The following DENND2B variants were observed in gnomAD, a reference collection of about 807,000 sequenced individuals.
The protein encoded by DENND2B is DENN domain containing 2B, also known as DENN domain-containing protein 2B.
DENND2B carries 32 observed loss-of-function variants against 116.0 expected under a neutral mutation model. The observed-to-expected ratio is 0.28, with a 90% confidence interval of 0.21 to 0.37. The LOEUF is 0.37. Among genes scored for constraint, DENND2B ranks in the 10% least tolerant of loss-of-function variants. The pLI is 1.00. For synonymous variants in DENND2B, 588 were observed against 583.9 expected (o/e 1.01, Z -0.10); for missense variants, 1,276 against 1,477.7 (o/e 0.86, Z 2.24).
chr11:8,907,080 CTT>C (rs1185465875), intron 1 of DENND2B, among the ~76,000 whole-genome samples: 1 of 152,154 alleles, frequency 6.6e-6, no homozygotes, highest in African/African-American at 2.4e-5. Flanking sequence ...GCACCAGTCT[CTT>C]TCCCCATTTC....
chr11:8,836,498 T>C (rs528345563), intron 4 of DENND2B, among the ~76,000 whole-genome samples: 103 of 143,214 alleles, frequency 7.2e-4, no homozygotes, highest in Non-Finnish European at 1.3e-3. Context: ...CTCAGCTCAC[T>C]GCAACCTCCG....
chr11:8,856,445 C>G (rs750840864), intron 3 of DENND2B, among the ~76,000 whole-genome samples: 4 of 152,246 alleles, frequency 2.6e-5, no homozygotes, highest in African/African-American at 4.8e-5. Context: ...CTGGTACAGG[C>G]TGTATCAATC....
chr11:8,849,062 A>AT (rs78636339), intron 3 of DENND2B, among the ~76,000 whole-genome samples: 4 of 150,910 alleles, frequency 2.7e-5, no homozygotes, highest in Non-Finnish European at 4.4e-5. Flanking sequence ...AAATGATGTA[A>AT]TTTTTTTTTT....
chr11:8,877,851 C>T (rs1160582455), intron 2 of DENND2B, among the ~76,000 whole-genome samples: 1 of 152,118 alleles, frequency 6.6e-6, no homozygotes, highest in African/African-American at 2.4e-5. Flanking sequence ...CATCACAAAA[C>T]TATTTTTGAC....
At chr11:8,783,982 T>C (rs1391521403) in intron 1 of DENND2B, 3 of 152,150 alleles carry the variant, frequency 2.0e-5, no homozygotes, top group African/African-American at 7.2e-5. Flanking sequence ...AGTTCTCAAA[T>C]TCCATACAAA....
intron 1 of DENND2B, among the ~76,000 whole-genome samples, chr11:8,776,835 C>T (rs2057790068): frequency 1.3e-5 from 2 of 152,164 alleles, no homozygotes; most frequent in South Asian, 4.1e-4. Flanking sequence ...CCTCACATCC[C>T]TGCCCTAAGC....
intron 2 of DENND2B, among the ~76,000 whole-genome samples, chr11:8,741,383 A>T (rs2050179404): frequency 6.6e-6 from 1 of 152,162 alleles, no homozygotes; most frequent in African/African-American, 2.4e-5. Context: ...CAGAGAGAAT[A>T]CTGACACTGC....
chr11:8,870,490 G>C (rs760999969), intron 2 of DENND2B, among the ~76,000 whole-genome samples: 6 of 147,998 alleles, frequency 4.1e-5, no homozygotes, highest in African/African-American at 1.5e-4. Flanking sequence ...CCGTGTGTCT[G>C]TGTGTGTTGT....
intron 4 of DENND2B, among the ~76,000 whole-genome samples, chr11:8,722,879 C>T (rs1463851486): frequency 6.6e-6 from 1 of 152,188 alleles, no homozygotes; most frequent in Non-Finnish European, 1.5e-5. Context: ...TCTCTTCTTT[C>T]CCTGTTCTCT....
chr11:8,730,207 C>A lies in DENND2B; in HGVS notation c.1083G>T (p.Lys361Asn). 1 of 1,613,332 alleles carries A rather than the reference C, an allele frequency of 6.2e-7. No individual in the cohort carries two copies. Among genetic ancestry groups the A allele is most frequent in the Non-Finnish European group, 8.5e-7 (1 of 1,179,562 alleles). Residue 361 changes from lysine to asparagine, a missense_variant, in exon 3 of 20, where the codon AAG (lysine) becomes AAT (asparagine). By Grantham distance (94) the Lys-to-Asn change is moderately conservative. This residue lies in a region of DENND2B where 856 missense variants were observed against 846.6 expected (regional missense o/e 1.01). Transcript: ENST00000313726. This position sits in a 1 kb window ranked among gnomAD's most constrained non-coding sequence, Gnocchi z 4.1. ...PPEREGSGST[K>N]PGTPGNSPSS... ...TAGGGCTATTTCCAGGGGTCCCGGG[C>A]TTAGTGGAACCACTGCCTTCCCTCT...
At position 8,707,682 on chromosome 11, in the gene DENND2B, G is replaced by A; in HGVS notation, c.2430+95C>T. 2 of 1,223,670 alleles carry A rather than the reference G, an allele frequency of 1.6e-6. No individual in the cohort carries two copies. Among genetic ancestry groups the A allele is most frequent in the Non-Finnish European group, 1.2e-6 (1 of 864,852 alleles). The allele number at this position is 1,223,670 out of a possible 1,614,324, so 75.8% of individuals were successfully genotyped here. ...GCATTCTGTCTCCCGCTCGCTCACA[G>A]TCACAGGTGGTTTTCTCATCTAAGC... is the stretch of plus-strand genomic sequence containing the variant. On this transcript the variant is annotated intron_variant, in intron 12 of 19. Coordinates refer to ENST00000313726, the MANE Select transcript of DENND2B (RefSeq NM_213618.2). This position sits in a 1 kb window ranked among gnomAD's most constrained non-coding sequence, Gnocchi z 4.8.
At chr11:8,896,684 T>C (rs1183876679) in intron 1 of DENND2B, among the ~76,000 whole-genome samples, 1 of 152,224 alleles carries the variant, frequency 6.6e-6, no homozygotes, top group East Asian at 1.9e-4. Context: ...CAGTACAGCA[T>C]TCAATAAATT....
At chr11:8,782,412 G>C (rs2058462007) in intron 1 of DENND2B, among the ~76,000 whole-genome samples, 1 of 152,062 alleles carries the variant, frequency 6.6e-6, no homozygotes, top group African/African-American at 2.4e-5. Context: ...AGTCATATTT[G>C]TCCAATTTTT....
At chr11:8,789,775 CA>C (rs138928549) in intron 1 of DENND2B, among the ~76,000 whole-genome samples, 1 of 151,392 alleles carries the variant, frequency 6.6e-6, no homozygotes, top group African/African-American at 2.4e-5. Flanking sequence ...CCCATCTCTA[CA>C]AAAAATAAAA....
At chr11:8,885,137 G>C (rs1327592703) in intron 1 of DENND2B, among the ~76,000 whole-genome samples, 1 of 152,154 alleles carries the variant, frequency 6.6e-6, no homozygotes, top group Non-Finnish European at 1.5e-5. Flanking sequence ...CTGATCCATG[G>C]CCTTGTTGTA....
chr11:8,805,051 T>C (rs2060722076), intron 1 of DENND2B, among the ~76,000 whole-genome samples: 1 of 152,188 alleles, frequency 6.6e-6, no homozygotes, highest in South Asian at 2.1e-4. Flanking sequence ...TCAAGTCAAG[T>C]ACTATTACAT....
intron 1 of DENND2B, among the ~76,000 whole-genome samples, chr11:8,901,980 T>C (rs755471508): frequency 5.9e-5 from 9 of 152,158 alleles, no homozygotes; most frequent in Admixed American, 1.3e-4. Flanking sequence ...GCTGACAGTA[T>C]CGTTTAGCCT....
intron 1 of DENND2B, chr11:8,774,254 G>C (rs925130893): frequency 2.1e-5 from 21 of 985,454 alleles, no homozygotes; most frequent in Non-Finnish European, 2.4e-5. Context: ...ATGACTAGCA[G>C]TCTCTTCCAG....
intron 1 of DENND2B, among the ~76,000 whole-genome samples, chr11:8,885,028 C>T (rs994983819): frequency 6.6e-6 from 1 of 152,222 alleles, no homozygotes; most frequent in South Asian, 2.1e-4. Context: ...TCATTCTTCC[C>T]CATCTACCAA....
Sources: allele counts gnomAD v4.1 joint callset (sites outside exome capture counted in the v4.1 genomes callset), GRCh38; gene constraint gnomAD v4.1.1; regional missense constraint gnomAD v4.1.1; non-coding constraint Gnocchi (gnomAD v3.1); transcripts MANE v1.5; gene names NCBI Gene and HGNC (gene_info 2026-07-23, HGNC 2026-07-21).